Variants in RORA observed in about 807,000 individuals in gnomAD.
RORA encodes the protein RAR related orphan receptor A.
RORA carries 7 observed loss-of-function variants against 69.5 expected under a neutral mutation model. The observed-to-expected ratio is 0.10, with a 90% CI of 0.06 to 0.19. The LOEUF is 0.19. Among genes scored for constraint, RORA ranks in the 10% least tolerant of loss-of-function variants. RORA has a pLI of 1.00. For synonymous variants in RORA, 261 were observed against 240.8 expected (o/e 1.08, Z -0.78); for missense variants, 457 against 663.0 (o/e 0.69, Z 3.41).
intron 5 of RORA, among the ~76,000 whole-genome samples, chr15:60,509,889 G>C (rs967331789): frequency 6.6e-5 from 10 of 151,988 alleles, no homozygotes; most frequent in African/African-American, 2.4e-4. Context: ...ACCTTTTAAT[G>C]CTGTTCAGTG....
intron 1 of RORA, among the ~76,000 whole-genome samples, chr15:60,813,189 C>T (rs1318793583): frequency 1.3e-5 from 2 of 152,152 alleles, no homozygotes; most frequent in Non-Finnish European, 2.9e-5. Context: ...CAGGACTCAG[C>T]CTCACGGCCC....
chr15:61,161,694 C>A (rs576953380), intron 1 of RORA, among the ~76,000 whole-genome samples: 1 of 152,100 alleles, frequency 6.6e-6, no homozygotes, highest in Admixed American at 6.5e-5. Context: ...AATCTTTAAA[C>A]AGCAAGCAAC....
intron 1 of RORA, among the ~76,000 whole-genome samples, chr15:61,126,667 A>G (rs1266164464): frequency 6.6e-6 from 1 of 152,146 alleles, no homozygotes; most frequent in African/African-American, 2.4e-5. Context: ...TCTTGTTTGA[A>G]CATCAAAACA....
At position 61,131,817 on chromosome 15, in the gene RORA, C is replaced by T. The variant is rs1177546814; in HGVS notation, c.166+97236G>A. The stretch of plus-strand genomic sequence containing the variant: ...ATGAAACTGGACTCCAGTTCTGCCA[C>T]CAAACGGATGTGTAACTCTAAGCAA... On this transcript the variant is annotated intron_variant, in intron 1 of 10. Coordinates refer to ENST00000335670, the MANE Select transcript of RORA (RefSeq NM_134261.3). This position sits in a 1 kb window ranked among gnomAD's most constrained non-coding sequence, Gnocchi z 4.2. Among the ~76,000 whole-genome samples the T allele has an allele frequency of 6.6e-6, 1 of 152,180 alleles. No homozygotes were observed. Among genetic ancestry groups the T allele is most frequent in the Non-Finnish European group, 1.5e-5 (1 of 68,048 alleles).
In RORA at chr15:60,503,529, A is replaced by G. The variant is rs978756381; in HGVS notation, c.1075+6T>C. The G allele has an allele frequency of 1.1e-5, 17 of 1,613,888 alleles. No homozygotes were observed. In the African/African-American group the frequency reaches 2.1e-4, roughly 20 times the overall value. ...AGATCTCAAAATTCACTTGCAAAGC[A>G]CATACCTGCTTTTAGAAGCACAATT... is the stretch of plus-strand genomic sequence containing the variant. On this transcript the variant is annotated splice_donor_region_variant and intron_variant, in intron 7 of 10. Transcript: ENST00000335670.
intron 2 of RORA, among the ~76,000 whole-genome samples, chr15:60,559,381 C>T (rs899686291): frequency 6.6e-6 from 1 of 152,038 alleles, no homozygotes; most frequent in Non-Finnish European, 1.5e-5. Flanking sequence ...AATATTTTGT[C>T]TTAGAATTAG....
At chr15:61,077,352 G>C (rs1004807683) in intron 1 of RORA, among the ~76,000 whole-genome samples, 2 of 152,116 alleles carry the variant, frequency 1.3e-5, no homozygotes, top group South Asian at 2.1e-4. Flanking sequence ...ACATGTTTAG[G>C]GGAACTGAAG....
chr15:61,121,626 T>C (rs573385697), intron 1 of RORA, among the ~76,000 whole-genome samples: 36 of 152,174 alleles, frequency 2.4e-4, no homozygotes, highest in African/African-American at 8.0e-4. Flanking sequence ...AGAAATGCCC[T>C]CCTAACAAGA....
intron 2 of RORA, among the ~76,000 whole-genome samples, chr15:60,666,087 CTT>C (rs2070376573): frequency 6.6e-6 from 1 of 151,886 alleles, no homozygotes; most frequent in African/African-American, 2.4e-5. Context: ...TACAGACACA[CTT>C]ATTTAAAATC....
chr15:60,861,506 C>A (rs749906308), intron 1 of RORA, among the ~76,000 whole-genome samples: 6 of 152,126 alleles, frequency 3.9e-5, no homozygotes, highest in Non-Finnish European at 8.8e-5. Context: ...CAGTCACTCT[C>A]CACCTTTTTA....
intron 1 of RORA, among the ~76,000 whole-genome samples, chr15:60,993,753 T>C (rs1022393548): frequency 6.6e-6 from 1 of 152,056 alleles, no homozygotes; most frequent in Non-Finnish European, 1.5e-5. Context: ...AACTCCTTTT[T>C]CTAAGGAACC....
At chr15:60,860,140 C>A (rs1288861493) in intron 1 of RORA, among the ~76,000 whole-genome samples, 1 of 152,308 alleles carries the variant, frequency 6.6e-6, no homozygotes, top group South Asian at 2.1e-4. Context: ...GTGTTTCTGA[C>A]TCAATGGTCC....
rs2071610918 is a variant in RORA at position 60,743,807 on chromosome 15, C to A, written c.167-65121G>T. 2.0e-5 allele frequency among the ~76,000 whole-genome samples: 3 copies of A among 152,132 alleles called. No homozygotes were observed. The South Asian group carries it at 6.2e-4, about 31-fold the overall frequency. On this transcript the variant is annotated intron_variant, in intron 1 of 10. Transcript: ENST00000335670. ...CTGTCTCAGTTACATGCATATGTGACAAGGAAAAAGTGATTTACAGCTTCT... is the reference window on the plus strand; with the variant it reads ...CTGTCTCAGTTACATGCATATGTGAAAAGGAAAAAGTGATTTACAGCTTCT...
chr15:60,752,455 G>C, intron 1 of RORA, among the ~76,000 whole-genome samples: 1 of 152,018 alleles, frequency 6.6e-6, no homozygotes, highest in East Asian at 1.9e-4. Context: ...CTATTTTAGT[G>C]GCTCCCCTTT....
At chr15:60,735,002 T>C (rs1205418040) in intron 1 of RORA, among the ~76,000 whole-genome samples, 1 of 152,220 alleles carries the variant, frequency 6.6e-6, no homozygotes, top group East Asian at 1.9e-4. Flanking sequence ...TTTAATGGTG[T>C]TATTTAAGGT....
intron 2 of RORA, among the ~76,000 whole-genome samples, chr15:60,665,414 T>C (rs141967898): frequency 6.6e-6 from 1 of 152,346 alleles, no homozygotes; most frequent in African/African-American, 2.4e-5. Flanking sequence ...AAACAAATGG[T>C]GTTCAAGAGG....
intron 2 of RORA, among the ~76,000 whole-genome samples, chr15:60,629,187 C>CTTTTTTTTTTTTTTTTTTTTT (rs34687322): frequency 1.8e-5 from 2 of 112,030 alleles, no homozygotes; most frequent in African/African-American, 7.4e-5. Flanking sequence ...ACTGTTTATT[C>CTTTTTTTTTTTTTTTTTTTTT]TTTTTTTTTT....
intron 1 of RORA, among the ~76,000 whole-genome samples, chr15:61,005,517 A>G (rs576792824): frequency 3.1e-4 from 47 of 152,200 alleles, no homozygotes; most frequent in Non-Finnish European, 4.9e-4. Flanking sequence ...CAACAAATAC[A>G]TAACTAATGA....
At chr15:60,808,036 A>G (rs1430534595) in intron 1 of RORA, among the ~76,000 whole-genome samples, 1 of 152,214 alleles carries the variant, frequency 6.6e-6, no homozygotes, top group African/African-American at 2.4e-5. Context: ...ATGACCAAGA[A>G]CCCAAAAGCA....
Sources: allele counts gnomAD v4.1 joint callset (sites outside exome capture counted in the v4.1 genomes callset), GRCh38; gene constraint gnomAD v4.1.1; non-coding constraint Gnocchi (gnomAD v3.1); transcripts MANE v1.5; gene names NCBI Gene and HGNC (gene_info 2026-07-23, HGNC 2026-07-21).